DPYD: variants seen among roughly 807,000 people sequenced by gnomAD.
DPYD encodes the protein dihydropyrimidine dehydrogenase.
DPYD carries 109 observed loss-of-function variants against 116.2 expected under a neutral mutation model. That is an observed-to-expected ratio of 0.94 (90% confidence interval 0.80 to 1.10). DPYD has a LOEUF of 1.10. Ranked by LOEUF, DPYD falls within the 50% of genes least tolerant of loss-of-function variation. The pLI is 0.00. For synonymous variants in DPYD, 440 were observed against 432.0 expected (o/e 1.02, Z -0.23); for missense variants, 1,302 against 1,254.5 (o/e 1.04, Z -0.57).
At chr1:97,847,065 A>G (rs1670334529) in intron 2 of DPYD, among the ~76,000 whole-genome samples, 2 of 152,330 alleles carry the variant, frequency 1.3e-5, no homozygotes, top group Admixed American at 1.3e-4. Context: ...TCAGTCATTT[A>G]TTTCCAACGG....
intron 3 of DPYD, among the ~76,000 whole-genome samples, chr1:97,764,874 T>C (rs1274985840): frequency 6.6e-6 from 1 of 152,176 alleles, no homozygotes; most frequent in Non-Finnish European, 1.5e-5. Context: ...CAACAATTTA[T>C]ACATTCAATG....
At chr1:97,921,047 G>T, upstream of DPYD, 1 of 1,267,972 alleles carries the variant, frequency 7.9e-7, no homozygotes. Context: ...GGCCGGCGGC[G>T]CGGGGGCGGA....
At chr1:97,643,283 C>A (rs1243769641) in intron 8 of DPYD, among the ~76,000 whole-genome samples, 1 of 152,022 alleles carries the variant, frequency 6.6e-6, no homozygotes, top group African/African-American at 2.4e-5. Flanking sequence ...AGGATAAGAA[C>A]AGACACTTCT....
chr1:97,487,284 G>A (rs1361440228), intron 13 of DPYD, among the ~76,000 whole-genome samples: 4 of 152,032 alleles, frequency 2.6e-5, no homozygotes, highest in African/African-American at 9.7e-5. Context: ...AAAAAAATAT[G>A]GAGAAAGAGG....
At chr1:97,455,396 A>G (rs1036515877) in intron 13 of DPYD, among the ~76,000 whole-genome samples, 1 of 151,908 alleles carries the variant, frequency 6.6e-6, no homozygotes, top group South Asian at 2.1e-4. Context: ...TATTTTGTCA[A>G]AAATGTTTTA....
chr1:97,162,299 G>T (rs199851174), intron 20 of DPYD, among the ~76,000 whole-genome samples: 2 of 152,034 alleles, frequency 1.3e-5, no homozygotes, highest in East Asian at 3.9e-4. Flanking sequence ...TTGTGGTTTT[G>T]ATTTGCATTT....
intron 13 of DPYD, among the ~76,000 whole-genome samples, chr1:97,481,720 T>C (rs1229730487): frequency 6.6e-6 from 1 of 152,160 alleles, no homozygotes; most frequent in Non-Finnish European, 1.5e-5. Flanking sequence ...ATACTAAAAA[T>C]GACAAAATTC....
chr1:97,295,295 T>A (rs2101001318), intron 18 of DPYD, among the ~76,000 whole-genome samples: 1 of 152,332 alleles, frequency 6.6e-6, no homozygotes. Context: ...ACAGCTGCTA[T>A]GCATTGCTTG....
intron 16 of DPYD, among the ~76,000 whole-genome samples, chr1:97,329,968 A>G (rs186892525): frequency 2.0e-5 from 3 of 151,944 alleles, no homozygotes; most frequent in South Asian, 4.2e-4. Context: ...CTTCTAGAAC[A>G]CCAAAATATG....
chr1:97,151,273 T>C (rs1407693051), intron 20 of DPYD, among the ~76,000 whole-genome samples: 6 of 152,222 alleles, frequency 3.9e-5, no homozygotes, highest in Non-Finnish European at 8.8e-5. Flanking sequence ...TACATATATA[T>C]GAGCTCTTTT....
At chr1:97,291,727 A>T (rs796955093) in intron 18 of DPYD, among the ~76,000 whole-genome samples, 34 of 152,052 alleles carry the variant, frequency 2.2e-4, no homozygotes, top group Non-Finnish European at 4.6e-4. Context: ...TAGGAGATAT[A>T]CCTAATGCTA....
intron 12 of DPYD, among the ~76,000 whole-genome samples, chr1:97,532,930 G>A (rs1264751644): frequency 1.4e-5 from 2 of 143,918 alleles, no homozygotes; most frequent in African/African-American, 5.1e-5. Context: ...TTTTGTTGTT[G>A]TTGTTGTTTT....
chr1:97,629,051 C>A (rs1657103264), intron 8 of DPYD, among the ~76,000 whole-genome samples: 2 of 152,062 alleles, frequency 1.3e-5, no homozygotes, highest in Non-Finnish European at 2.9e-5. Context: ...AGTAAACAAT[C>A]ACACAAGTTG....
intron 18 of DPYD, among the ~76,000 whole-genome samples, chr1:97,255,885 C>T (rs977819510): frequency 6.6e-6 from 1 of 151,952 alleles, no homozygotes; most frequent in Non-Finnish European, 1.5e-5. Context: ...ATCTCATGCT[C>T]TAGAAGTCAT....
chr1:97,137,070 T>C (rs923341893), intron 20 of DPYD, among the ~76,000 whole-genome samples: 2 of 152,188 alleles, frequency 1.3e-5, no homozygotes, highest in African/African-American at 4.8e-5. Flanking sequence ...GCCAAGTAAA[T>C]AGTTCAATCT....
chr1:97,897,157 G>A (rs973222939), intron 1 of DPYD, among the ~76,000 whole-genome samples: 1 of 151,790 alleles, frequency 6.6e-6, no homozygotes, highest in Non-Finnish European at 1.5e-5. Flanking sequence ...CCTGGTTTTT[G>A]AACTCTAATT....
intron 19 of DPYD, among the ~76,000 whole-genome samples, chr1:97,209,317 C>T (rs978275689): frequency 6.6e-6 from 1 of 152,052 alleles, no homozygotes; most frequent in Non-Finnish European, 1.5e-5. Flanking sequence ...ACACTTTAAA[C>T]CATTGCTTAT....
intron 21 of DPYD, among the ~76,000 whole-genome samples, chr1:97,094,813 G>C (rs1311703088): frequency 1.3e-5 from 2 of 152,022 alleles, no homozygotes; most frequent in Non-Finnish European, 2.9e-5. Context: ...GCAGAGAGGT[G>C]AATACAGACA....
intron 20 of DPYD, among the ~76,000 whole-genome samples, chr1:97,181,360 G>A (rs553382689): frequency 1.8e-4 from 28 of 152,184 alleles, no homozygotes; most frequent in African/African-American, 6.0e-4. Flanking sequence ...AATGGTTCAC[G>A]TTAAATTCAG....
Sources: allele counts gnomAD v4.1 joint callset (sites outside exome capture counted in the v4.1 genomes callset), GRCh38; gene constraint gnomAD v4.1.1; transcripts MANE v1.5; gene names NCBI Gene and HGNC (gene_info 2026-07-23, HGNC 2026-07-21).